DYNC1I2: variants seen among roughly 807,000 people sequenced by gnomAD.
DYNC1I2 encodes the protein cytoplasmic dynein 1 intermediate chain 2.
DYNC1I2 carries 53 observed loss-of-function variants against 88.6 expected under a neutral mutation model. The observed-to-expected ratio is 0.60, with a 90% confidence interval of 0.48 to 0.75. The LOEUF is 0.75. Among genes scored for constraint, DYNC1I2 ranks in the 30% least tolerant of loss-of-function variants. The pLI is 0.00. For synonymous variants in DYNC1I2, 198 were observed against 254.6 expected, an observed-to-expected ratio of 0.78 and a Z score of 2.12; for missense variants, 458 against 766.6, an observed-to-expected ratio of 0.60 and a Z score of 4.75.
At chr2:171,688,759 G>GA (rs1559356930) in intron 1 of DYNC1I2, 1 of 152,112 alleles carries the variant, frequency 6.6e-6, no homozygotes, top group Non-Finnish European at 1.5e-5. Context: ...TTCTTAGTAG[G>GA]TGAATTTCTC....
Position 171,749,541 on chromosome 2 carries a change from G to GTATC in DYNC1I2, c.*1654_*1657dup, listed in dbSNP as rs1362110325. ...TGTACTCACTACTCATGTAGTTACT[G>GTATC]TATCTTTACCTTCAGTTTGTAAAAA... On this transcript the variant is annotated 3_prime_UTR_variant, in exon 18 of 18. Transcript: ENST00000397119. Among the ~76,000 whole-genome samples the GTATC allele has an allele frequency of 1.3e-5, 2 of 152,006 alleles. No homozygotes were observed. Among genetic ancestry groups the GTATC allele is most frequent in the African/African-American group, 4.8e-5 (2 of 41,412 alleles).
chr2:171,708,861 T>G (rs1686887130), intron 5 of DYNC1I2, among the ~76,000 whole-genome samples: 1 of 151,878 alleles, frequency 6.6e-6, no homozygotes, highest in Non-Finnish European at 1.5e-5. Context: ...CCTGGCTAAT[T>G]TTTGTATTTT....
chr2:171,689,882 C>CTTTTTTTTTTTTTTTTTTTTTTTTTTTTT (rs10716223), intron 1 of DYNC1I2, among the ~76,000 whole-genome samples: 3 of 54,158 alleles, frequency 5.5e-5, no homozygotes, highest in Non-Finnish European at 9.8e-5. Flanking sequence ...TTTTTCTTGC[C>CTTTTTTTTTTTTTTTTTTTTTTTTTTTTT]TTTTTTTTTT....
At chr2:171,690,105 A>C (rs974990166) in intron 1 of DYNC1I2, 42 bp from the exon 2 acceptor site, 2 of 1,305,544 alleles carry the variant, frequency 1.5e-6, no homozygotes, top group East Asian at 5.1e-5. Flanking sequence ...AGTTTTTTCA[A>C]CTGTGCTGCT....
chr2:171,716,104 TATC>T (rs1355349597), intron 7 of DYNC1I2, among the ~76,000 whole-genome samples: 1 of 152,056 alleles, frequency 6.6e-6, no homozygotes, highest in Non-Finnish European at 1.5e-5. Flanking sequence ...AATGAATTTA[TATC>T]ATACAAAAAA....
chr2:171,710,894 G>A (rs1470897213), intron 5 of DYNC1I2, among the ~76,000 whole-genome samples: 2 of 150,452 alleles, frequency 1.3e-5, no homozygotes, highest in African/African-American at 4.9e-5. Flanking sequence ...ATGCTTTTAA[G>A]TTCTAGGGTA....
chr2:171,733,034 C>T (rs1057002110), intron 15 of DYNC1I2, among the ~76,000 whole-genome samples: 3 of 152,120 alleles, frequency 2.0e-5, no homozygotes, highest in African/African-American at 7.2e-5. Context: ...TTGTTCTCCT[C>T]TATGTGTCTA....
rs1186134065 is a variant in DYNC1I2, at chr2:171,745,833, A to G, written c.1709A>G (p.Asn570Ser). The change falls in exon 17 of 18, where the codon AAT becomes AGT. Residue 570 changes from asparagine (N) to serine (S), a missense_variant. By Grantham distance (46) the Asn-to-Ser change is conservative. Transcript: ENST00000397119. ...ACTGCCAGCATTTCTGTGGAGGGTA[A>G]TCCTGCTCTTAATCGTGTGAGATGG... ...VPTASISVEG[N>S]PALNRVRWTH... The G allele has an allele frequency of 3.7e-6, 6 of 1,613,840 alleles. No homozygotes were observed. Among genetic ancestry groups the G allele is most frequent in the Non-Finnish European group, 5.1e-6 (6 of 1,179,782 alleles).
chr2:171,728,485 A>T (rs1451114962), intron 13 of DYNC1I2, 67 bp downstream of exon 13: 1 of 996,826 alleles, frequency 1.0e-6, no homozygotes, highest in East Asian at 2.6e-5. Context: ...GTGTACCTCA[A>T]CTTATGTTTC....
In DYNC1I2 at chr2:171,729,731, T is replaced by A. The variant is rs771532808; in HGVS notation, c.1414T>A (p.Phe472Ile). The change falls in exon 15 of 18, where the codon TTT becomes ATT. Residue 472 changes from phenylalanine to isoleucine, a missense_variant. This residue lies in a region of DYNC1I2 where 188 missense variants were observed against 300.4 expected (regional missense o/e 0.63). Coordinates refer to ENST00000397119, the MANE Select transcript of DYNC1I2 (RefSeq NM_001378.3). ...TAGCAAAGCTGGAATCAGTGAGATG[T>A]TTGAGGGGCATCAAGGACCAATCAC... ...HGSKAGISEM[F>I]EGHQGPITGI... 1 of 1,612,756 alleles carries A rather than the reference T, an allele frequency of 6.2e-7. No individual in the cohort carries two copies. The highest frequency in any genetic ancestry group is 8.5e-7 in the Non-Finnish European group (1 of 1,179,726).
chr2:171,719,860 G>T (rs1455792062), intron 7 of DYNC1I2, among the ~76,000 whole-genome samples: 1 of 152,182 alleles, frequency 6.6e-6, no homozygotes, highest in African/African-American at 2.4e-5. Flanking sequence ...AAATTGACTA[G>T]CACCACGTGA....
At chr2:171,689,125 C>G (rs561383654) in intron 1 of DYNC1I2, among the ~76,000 whole-genome samples, 2 of 152,246 alleles carry the variant, frequency 1.3e-5, no homozygotes, top group South Asian at 4.2e-4. Flanking sequence ...TATTCATTAG[C>G]CAGTGTCAAT....
intron 2 of DYNC1I2, among the ~76,000 whole-genome samples, chr2:171,691,508 G>A (rs1685403257): frequency 6.6e-6 from 1 of 152,130 alleles, no homozygotes; most frequent in African/African-American, 2.4e-5. Context: ...AAAAGTTGAA[G>A]GTACAATTTA....
At chr2:171,705,533 A>T (rs1686613583) in intron 3 of DYNC1I2, among the ~76,000 whole-genome samples, 1 of 152,112 alleles carries the variant, frequency 6.6e-6, no homozygotes, top group African/African-American at 2.4e-5. Flanking sequence ...GTGCCTCACT[A>T]TAATTTAATA....
At chr2:171,712,333 G>A (rs1687181227) in intron 5 of DYNC1I2, 1 of 155,002 alleles carries the variant, frequency 6.5e-6, no homozygotes, top group Non-Finnish European at 1.4e-5. Context: ...TAATGCTTTG[G>A]GGAAGATTAG....
chr2:171,725,834 AAC>A (rs74268271), intron 8 of DYNC1I2, 83 bp from the exon 9 acceptor site: 376,794 of 1,321,734 alleles, frequency 0.29, 58,836 homozygotes, highest in Middle Eastern at 0.36. Flanking sequence ...GAAAAATAAT[AAC>A]ATACATTGAT....
chr2:171,704,970 C>T (rs1258690859), intron 3 of DYNC1I2, among the ~76,000 whole-genome samples: 1 of 151,972 alleles, frequency 6.6e-6, no homozygotes, highest in East Asian at 1.9e-4. Flanking sequence ...GTAGCTGTGG[C>T]TCAGATAATA....
rs1334692285 is a variant in DYNC1I2 at position 171,748,745 on chromosome 2, A to G, written c.*856A>G. ...GATTAAGAACTATGTATGTGACCTC[A>G]CTGAGAGTAAAATCTTTGAGAGAAA... On this transcript the variant is annotated 3_prime_UTR_variant, in exon 18 of 18. Transcript: ENST00000397119. 1.3e-5 allele frequency among the ~76,000 whole-genome samples: 2 copies of G among 152,210 alleles called. No individual in the cohort carries two copies. Among genetic ancestry groups the G allele is most frequent in the Non-Finnish European group, 2.9e-5 (2 of 68,018 alleles).
At chr2:171,731,295 C>G (rs941510155) in intron 15 of DYNC1I2, among the ~76,000 whole-genome samples, 10 of 152,176 alleles carry the variant, frequency 6.6e-5, no homozygotes, top group Admixed American at 3.3e-4. Flanking sequence ...GGCTGAGCAT[C>G]CCTAATCTGT....
Sources: gnomAD v4.1 joint callset for allele counts (sites outside exome capture counted in the v4.1 genomes callset) on GRCh38, gnomAD v4.1.1 for gene constraint, gnomAD v4.1.1 regional missense constraint, MANE v1.5 for transcripts, NCBI Gene and HGNC (gene_info 2026-07-23, HGNC 2026-07-21) for gene names.